ZWILCH: variants seen among roughly 807,000 people sequenced by gnomAD.
ZWILCH encodes the protein protein zwilch homolog.
A neutral mutation model predicts 79.9 loss-of-function variants in ZWILCH; 74 were observed. The ratio of observed to expected loss-of-function variants is 0.93; its 90% CI spans 0.77 to 1.12. The LOEUF (loss-of-function observed/expected upper bound fraction) is 1.12. ZWILCH is among the 50% of genes most tolerant of loss of function. The probability of loss-of-function intolerance (pLI) is 0.00; values close to 1 mark genes in which losing one functional copy is unlikely to be tolerated. For missense variants in ZWILCH, 694 were observed against 687.5 expected, an observed-to-expected ratio of 1.01 and a Z score of -0.11; for synonymous variants, 241 against 228.2, an observed-to-expected ratio of 1.06 and a Z score of -0.51.
chr15:66,539,163 G>T (rs1362662616), intron 16 of ZWILCH, among the ~76,000 whole-genome samples: 1 of 151,974 alleles, frequency 6.6e-6, no homozygotes, highest in Non-Finnish European at 1.5e-5. Flanking sequence ...AAAACGTAGT[G>T]CTTATCCTCC....
chr15:66,515,832 A>G (rs1894230774), intron 4 of ZWILCH, among the ~76,000 whole-genome samples, 188 bp downstream of exon 4: 1 of 152,188 alleles, frequency 6.6e-6, no homozygotes, highest in South Asian at 2.1e-4. Flanking sequence ...GTGACCAAGA[A>G]TACTGCACTT....
At chr15:66,520,714 C>A in intron 6 of ZWILCH, 54 bp downstream of exon 6, 1 of 1,202,896 alleles carries the variant, frequency 8.3e-7, no homozygotes, top group South Asian at 1.4e-5. Flanking sequence ...GTCAACCTGC[C>A]TTCCTAGTTT....
chr15:66,511,797 T>A (rs1894076658), intron 2 of ZWILCH, among the ~76,000 whole-genome samples: 1 of 152,052 alleles, frequency 6.6e-6, no homozygotes. Context: ...GTATTTTTAG[T>A]GGAGACGGGG....
intron 15 of ZWILCH, 101 bp downstream of exon 15, chr15:66,536,170 T>G: frequency 1.9e-6 from 2 of 1,035,554 alleles, no homozygotes; most frequent in East Asian, 2.7e-5. Context: ...GGATAGAACC[T>G]CTTCATCCTG....
chr15:66,535,528 T>C (rs942745672), intron 14 of ZWILCH, among the ~76,000 whole-genome samples: 14 of 151,938 alleles, frequency 9.2e-5, no homozygotes, highest in African/African-American at 3.4e-4. Flanking sequence ...ATATGAAAAT[T>C]AGCTGGGTGT....
At chr15:66,546,176 T>C (rs1344360015) in intron 17 of ZWILCH, among the ~76,000 whole-genome samples, 1 of 152,200 alleles carries the variant, frequency 6.6e-6, no homozygotes, top group Admixed American at 6.5e-5. Context: ...CCATTTATTT[T>C]TGAAATAAAA....
intron 8 of ZWILCH, 60 bp downstream of exon 8, chr15:66,523,808 T>C: frequency 4.5e-6 from 6 of 1,340,634 alleles, no homozygotes; most frequent in Non-Finnish European, 5.3e-6. Context: ...ATGTGTGCTA[T>C]TGTTGTTTTT....
At chr15:66,526,002 GATCCA>G (rs1283643809) in intron 8 of ZWILCH, among the ~76,000 whole-genome samples, 1 of 151,952 alleles carries the variant, frequency 6.6e-6, no homozygotes, top group Non-Finnish European at 1.5e-5. Flanking sequence ...GACCTCAAGT[GATCCA>G]CCTGTCTCGG....
At chr15:66,544,723 T>TG (rs1417784281) in intron 17 of ZWILCH, among the ~76,000 whole-genome samples, 4,697 of 114,636 alleles carry the variant, frequency 0.041, 110 homozygotes, top group African/African-American at 0.087. Flanking sequence ...TTTTTTGGTT[T>TG]TTGTGTGTGT....
chr15:66,526,121 TGGGAAATG>T (rs1292653615), intron 8 of ZWILCH, among the ~76,000 whole-genome samples: 10 of 152,282 alleles, frequency 6.6e-5, no homozygotes, highest in Non-Finnish European at 7.4e-5. Flanking sequence ...GCATTTCAAC[TGGGAAATG>T]TTGTATTTTC....
chr15:66,535,315 T>C (rs1894975957), intron 14 of ZWILCH, among the ~76,000 whole-genome samples: 1 of 152,170 alleles, frequency 6.6e-6, no homozygotes, highest in Non-Finnish European at 1.5e-5. Context: ...AATAATGCAT[T>C]GCACTACATT....
intron 17 of ZWILCH, among the ~76,000 whole-genome samples, 200 bp downstream of exon 17, chr15:66,540,410 G>A (rs1431398640): frequency 1.3e-5 from 2 of 151,832 alleles, no homozygotes; most frequent in Admixed American, 6.6e-5. Context: ...AAAATTAGCC[G>A]GGCATGGTTG....
chr15:66,533,507 G>A (rs778894154), intron 14 of ZWILCH, among the ~76,000 whole-genome samples: 5 of 151,950 alleles, frequency 3.3e-5, no homozygotes, highest in African/African-American at 7.3e-5. Flanking sequence ...GATCTTTGAC[G>A]TTCATTGAAA....
At position 66,515,554 on chromosome 15, in the gene ZWILCH, T is replaced by G. The variant is rs1894220624; in HGVS notation, c.230T>G (p.Ile77Ser). ...VPLEKEETSHIEELQSEETAI... is the reference protein window; with the variant it reads ...VPLEKEETSHSEELQSEETAI... ...TTAGAAAAGGAAGAAACAAGTCATA[T>G]TGAAGAACTTCAATCTGAAGAAACT... The change falls in exon 4 of 19, where the codon ATT becomes AGT. Residue 77 changes from isoleucine to serine, a missense_variant. Physicochemically the swap from Ile to Ser is moderately radical, Grantham distance 142 (BLOSUM62 -2). Transcript: ENST00000307897. 5 of 1,610,912 alleles carry G rather than the reference T, an allele frequency of 3.1e-6. No individual in the cohort carries two copies. The highest frequency in any genetic ancestry group is 4.2e-6 in the Non-Finnish European group (5 of 1,178,878).
At chr15:66,534,827 G>T (rs1894960840) in intron 14 of ZWILCH, among the ~76,000 whole-genome samples, 1 of 152,014 alleles carries the variant, frequency 6.6e-6, no homozygotes, top group Admixed American at 6.6e-5. Context: ...TATAAACACT[G>T]TATACTTAGG....
At chr15:66,510,436 T>C (rs1013038119) in intron 2 of ZWILCH, among the ~76,000 whole-genome samples, 1 of 148,144 alleles carries the variant, frequency 6.8e-6, no homozygotes, top group Non-Finnish European at 1.5e-5. Flanking sequence ...AAAAGAAGAA[T>C]AGGCAAAGGA....
At chr15:66,522,698 C>T (rs369547357) in intron 7 of ZWILCH, among the ~76,000 whole-genome samples, 1 of 151,216 alleles carries the variant, frequency 6.6e-6, no homozygotes, top group African/African-American at 2.4e-5. Context: ...GCTTATTAAG[C>T]AAAAAGAAAA....
intron 6 of ZWILCH, 39 bp from the exon 7 acceptor site, chr15:66,521,011 A>T: frequency 6.2e-7 from 1 of 1,600,844 alleles, no homozygotes; most frequent in South Asian, 1.1e-5. Context: ...GGCCATGTGG[A>T]AGCACAGCTA....
intron 18 of ZWILCH, chr15:66,547,262 A>G (rs1416551569): frequency 7.9e-6 from 1 of 126,570 alleles, no homozygotes; most frequent in African/African-American, 3.1e-5. Flanking sequence ...CAGTGGCGCT[A>G]TCTCGGCTCA....
Sources: gnomAD v4.1 joint callset for allele counts (sites outside exome capture counted in the v4.1 genomes callset) on GRCh38, gnomAD v4.1.1 for gene constraint, MANE v1.5 for transcripts, NCBI Gene and HGNC (gene_info 2026-07-23, HGNC 2026-07-21) for gene names.